MARCHF1: variants seen among roughly 807,000 people sequenced by gnomAD.
The protein encoded by MARCHF1 is E3 ubiquitin-protein ligase MARCHF1.
Under a neutral mutation model 54.2 loss-of-function variants are expected in MARCHF1, and 40 were observed. The ratio of observed to expected loss-of-function variants is 0.74; its 90% confidence interval spans 0.57 to 0.96. The LOEUF (loss-of-function observed/expected upper bound fraction) is 0.96. MARCHF1 is among the 40% of genes least tolerant of loss of function. The pLI is 0.00. For synonymous variants in MARCHF1, 236 were observed against 236.3 expected, an observed-to-expected ratio of 1.00 and a Z score of 0.01; for missense variants, 586 against 656.5, an observed-to-expected ratio of 0.89 and a Z score of 1.17.
At chr4:163,845,504 C>T (rs866623843) in intron 4 of MARCHF1, among the ~76,000 whole-genome samples, 214 of 142,242 alleles carry the variant, frequency 1.5e-3, no homozygotes, top group African/African-American at 5.2e-3. Flanking sequence ...CACACACACA[C>T]GTAAGGCCTC....
intron 5 of MARCHF1, among the ~76,000 whole-genome samples, chr4:163,649,639 A>G (rs1006848366): frequency 9.2e-5 from 14 of 152,024 alleles, no homozygotes; most frequent in Admixed American, 5.9e-4. Context: ...ATAACAATAA[A>G]AGAACAAATA....
Position 164,316,073 on chromosome 4 carries a change from C to A in MARCHF1, c.-323+67797G>T, listed in dbSNP as rs1432500095. Among the ~76,000 whole-genome samples, 4 of 152,106 alleles carry A rather than the reference C, an allele frequency of 2.6e-5. No homozygotes were observed. In the East Asian group the frequency reaches 7.7e-4, roughly 29 times the overall value. On this transcript the variant is annotated intron_variant, in intron 1 of 9. Coordinates refer to ENST00000514618, the MANE Select transcript of MARCHF1 (RefSeq NM_001394959.1). ...TCCTCTCAATGGGTTATTGCGCTGA[C>A]AAAATGAGCTAATATATATAAAGTG...
At chr4:164,023,402 C>A (rs964897378) in intron 2 of MARCHF1, among the ~76,000 whole-genome samples, 5 of 152,026 alleles carry the variant, frequency 3.3e-5, no homozygotes, top group Non-Finnish European at 7.4e-5. Context: ...GAAGTAAGAC[C>A]CCCTCTGCTG....
At chr4:164,047,641 T>C (rs1235794286) in intron 2 of MARCHF1, among the ~76,000 whole-genome samples, 1 of 152,176 alleles carries the variant, frequency 6.6e-6, no homozygotes, top group Non-Finnish European at 1.5e-5. Flanking sequence ...TAAACATACA[T>C]ACGTTCTTTC....
intron 4 of MARCHF1, among the ~76,000 whole-genome samples, chr4:163,799,658 T>C (rs1214177452): frequency 6.6e-6 from 1 of 152,050 alleles, no homozygotes; most frequent in Non-Finnish European, 1.5e-5. Flanking sequence ...GGCTTAAAAA[T>C]AAGACAGTAA....
At chr4:164,164,797 G>C (rs772951323) in intron 1 of MARCHF1, among the ~76,000 whole-genome samples, 1 of 151,894 alleles carries the variant, frequency 6.6e-6, no homozygotes, top group Non-Finnish European at 1.5e-5. Context: ...ATACATATCC[G>C]GAAGTTATTA....
chr4:163,835,492 T>C (rs1424196571), intron 4 of MARCHF1, among the ~76,000 whole-genome samples: 1 of 152,192 alleles, frequency 6.6e-6, no homozygotes. Context: ...TTTTGGCCAA[T>C]AAAATGTAGC....
chr4:163,621,043 A>C (rs1741678808), intron 5 of MARCHF1, among the ~76,000 whole-genome samples: 1 of 152,204 alleles, frequency 6.6e-6, no homozygotes. Context: ...TTCCCCTTTC[A>C]TTAAATGTAG....
intron 1 of MARCHF1, among the ~76,000 whole-genome samples, chr4:164,241,190 C>G (rs1282284731): frequency 1.3e-5 from 2 of 152,124 alleles, no homozygotes; most frequent in Non-Finnish European, 2.9e-5. Context: ...CTTCGAAGAC[C>G]ATTTGGACAG....
intron 7 of MARCHF1, among the ~76,000 whole-genome samples, chr4:163,591,119 AAC>A (rs1740578734): frequency 6.6e-6 from 1 of 151,806 alleles, no homozygotes; most frequent in Non-Finnish European, 1.5e-5. Flanking sequence ...AATCCTTATT[AAC>A]AGTCTATGAC....
intron 5 of MARCHF1, among the ~76,000 whole-genome samples, chr4:163,620,596 CACACACACACAGAGAGAGAGAGAGAG>C (rs1289001550): frequency 0.031 from 2,801 of 88,948 alleles, 74 homozygotes; most frequent in African/African-American, 0.12. Context: ...CACACACACA[CACACACACACAGAGAGAGAGAGAGAG>C]AGAGAGAGAG....
At chr4:163,904,440 G>A (rs72999227) in intron 3 of MARCHF1, among the ~76,000 whole-genome samples, 13,014 of 152,192 alleles carry the variant, frequency 0.086, 1,273 homozygotes, top group African/African-American at 0.23. Flanking sequence ...TAATGGGACA[G>A]GTGCTGAGTG....
chr4:164,373,500 G>T (rs1030746274), intron 1 of MARCHF1, among the ~76,000 whole-genome samples: 1 of 151,538 alleles, frequency 6.6e-6, no homozygotes, highest in Non-Finnish European at 1.5e-5. Flanking sequence ...GATTACAGGT[G>T]TGAGCCACCA....
intron 2 of MARCHF1, among the ~76,000 whole-genome samples, chr4:164,042,572 T>G (rs962125546): frequency 6.6e-6 from 1 of 152,084 alleles, no homozygotes; most frequent in Non-Finnish European, 1.5e-5. Context: ...CAACATGAGA[T>G]TTAGGAGGGG....
chr4:164,078,920 A>T lies in MARCHF1; in HGVS notation c.-248+32668T>A, dbSNP rs569807803. ...TGTACCCTAAAACTTAAAGTATAAT[A>T]AAAAAAAAAGAAATCACAATTATAA... On this transcript the variant is annotated intron_variant, in intron 2 of 9. Coordinates refer to ENST00000514618, the MANE Select transcript of MARCHF1 (RefSeq NM_001394959.1). 6.6e-5 allele frequency among the ~76,000 whole-genome samples: 9 copies of T among 135,496 alleles called. No homozygotes were observed. The South Asian group carries it at 2.0e-3, about 30-fold the overall frequency. 88.9% of individuals were successfully genotyped at this position (135,496 alleles called of 152,430 possible).
intron 2 of MARCHF1, among the ~76,000 whole-genome samples, chr4:164,072,062 T>G (rs941118130): frequency 6.6e-6 from 1 of 152,000 alleles, no homozygotes; most frequent in Non-Finnish European, 1.5e-5. Context: ...ATAAAAGCAC[T>G]TGTGCTCAGC....
At chr4:164,273,567 A>G (rs1733796497) in intron 1 of MARCHF1, among the ~76,000 whole-genome samples, 4 of 152,206 alleles carry the variant, frequency 2.6e-5, no homozygotes, top group South Asian at 2.1e-4. Flanking sequence ...TAAACCATCT[A>G]CGCTAAGACA....
intron 1 of MARCHF1, among the ~76,000 whole-genome samples, chr4:164,198,751 A>G (rs372061205): frequency 2.0e-4 from 30 of 152,318 alleles, no homozygotes; most frequent in East Asian, 9.6e-4. Flanking sequence ...CATTTTCCCC[A>G]TCAGTGAATT....
At chr4:164,289,867 C>T (rs541984260) in intron 1 of MARCHF1, among the ~76,000 whole-genome samples, 3 of 152,128 alleles carry the variant, frequency 2.0e-5, no homozygotes, top group African/African-American at 7.2e-5. Context: ...AATCCCAGCC[C>T]ATCTTTCAAG....
Sources: gnomAD v4.1 joint callset for allele counts (sites outside exome capture counted in the v4.1 genomes callset) on GRCh38, gnomAD v4.1.1 for gene constraint, MANE v1.5 for transcripts, NCBI Gene and HGNC (gene_info 2026-07-23, HGNC 2026-07-21) for gene names.